Variants in TTN observed in about 807,000 individuals in gnomAD.
TTN encodes connectin.
In TTN, 1,525 loss-of-function variants were observed where a neutral mutation model predicts 3,223.0. The ratio of observed to expected loss-of-function variants is 0.47; its 90% CI spans 0.45 to 0.49. The LOEUF (loss-of-function observed/expected upper bound fraction) is 0.49, where lower values mean the gene tolerates loss of function less well. TTN is among the 20% of genes least tolerant of loss of function. The probability of loss-of-function intolerance (pLI) is 0.00; values close to 1 mark genes in which losing one functional copy is unlikely to be tolerated. For synonymous variants in TTN, 14,094 were observed against 15,161.0 expected (o/e 0.93, Z 5.17); for missense variants, 40,786 against 43,424.0 (o/e 0.94, Z 5.40).
intron 127 of TTN, among the ~76,000 whole-genome samples, chr2:178,686,096 A>T (rs1341389219): frequency 1.3e-5 from 2 of 148,176 alleles, no homozygotes; most frequent in African/African-American, 5.0e-5. Context: ...TTTTGAGCCT[A>T]AGTGTATACA....
rs557086526 is a variant in TTN, at chr2:178,624,661, C to T, written c.44619G>A (p.Glu14873=). ...TAGCATTTTCTCTGGAGACTTCACA[C>T]TCCAGCACTGCAGTGGCTCCCTCTT... is the stretch of plus-strand genomic sequence containing the variant. ...TVEEGATAVL[E]CEVSRENAKV... is the part of the protein sequence containing the mutation. Residue 14873 remains glutamate (E), a synonymous_variant, in exon 242 of 363, where the codon GAG becomes GAA. Coordinates refer to ENST00000589042, the MANE Select transcript of TTN (RefSeq NM_001267550.2). 1.9e-6 allele frequency: 3 copies of T among 1,612,586 alleles called. No individual in the cohort carries two copies. In the South Asian group the frequency reaches 3.3e-5, roughly 18 times the overall value.
rs562978806 is a variant in TTN, at chr2:178,777,475, C to G, written c.4590G>C (p.Val1530=). The G allele has an allele frequency of 1.2e-6, 2 of 1,613,908 alleles. No homozygotes were observed. Among genetic ancestry groups the G allele is most frequent in the African/African-American group, 2.7e-5 (2 of 75,030 alleles). Residue 1530 remains valine, a synonymous_variant, in exon 26 of 363, where the codon GTG becomes GTC. Transcript: ENST00000589042. ...ATCTGCCTGCCCTGTTTTGGGCAAC[C>G]ACAGTCCATTCCCCAGAATCACTGG... The part of the protein sequence containing the change: ...ATPSDSGEWT[V]VAQNRAGRSS...
Position 178,667,671 on chromosome 2 carries a change from G to C in TTN, c.35596C>G (p.Gln11866Glu). 1 of 1,597,320 alleles carries C rather than the reference G, an allele frequency of 6.3e-7. No individual in the cohort carries two copies. Residue 11866 changes from glutamine (Q) to glutamate (E), a missense_variant, in exon 160 of 363, where the codon CAA becomes GAA. Physicochemically the swap from Gln to Glu is conservative, Grantham distance 29 (BLOSUM62 2). Transcript: ENST00000589042. ...AVLEEKVLVT[Q>E]PQKTKPKLAK... The stretch of plus-strand genomic sequence containing the variant: ...AGTTTGGGTTTTGTCTTTTGAGGTT[G>C]AGTCACAAGTACTTTTTCTTCTAGG...
chr2:178,683,072 G>T, intron 134 of TTN, 139 bp downstream of exon 134: 1 of 934,786 alleles, frequency 1.1e-6, no homozygotes, highest in Non-Finnish European at 1.7e-6. Flanking sequence ...AGTATATTTA[G>T]CAATTGTGAT....
At chr2:178,603,808 A>G in intron 282 of TTN, 68 bp downstream of exon 282, 2 of 1,406,216 alleles carry the variant, frequency 1.4e-6, no homozygotes, top group Non-Finnish European at 9.5e-7. Flanking sequence ...AAGAAATTTA[A>G]GGCAGAATTA....
At chr2:178,681,896 C>A (rs573629930) in intron 135 of TTN, among the ~76,000 whole-genome samples, 158 bp from the exon 136 acceptor site, 1 of 152,082 alleles carries the variant, frequency 6.6e-6, no homozygotes, top group East Asian at 1.9e-4. Flanking sequence ...AGAACAAGCT[C>A]ATATTGCCCT....
intron 92 of TTN, among the ~76,000 whole-genome samples, chr2:178,713,602 C>T (rs1186706526): frequency 6.6e-6 from 1 of 152,030 alleles, no homozygotes; most frequent in Non-Finnish European, 1.5e-5. Flanking sequence ...TCTCTCTTTG[C>T]CGTGAAGAAT....
Position 178,552,014 on chromosome 2 carries a change from G to A in TTN, c.90886C>T (p.Gln30296Ter). The A allele has an allele frequency of 6.2e-7, 1 of 1,613,012 alleles. No homozygotes were observed. The highest frequency in any genetic ancestry group is 1.1e-5 in the South Asian group (1 of 90,976). Residue 30296 changes from glutamine to a stop codon, truncating the protein, a stop_gained, in exon 335 of 363, where the codon CAG becomes TAG. Transcript: ENST00000589042. LOFTEE classifies it high-confidence loss of function. ...CTGTTTTCTGCTCTCACTCTAAACT[G>A]GTACTCAGCATCTTTGACTAGATTA... ...VPNLVKDAEY[Q>*]FRVRAENRYG... is the part of the protein sequence containing the mutation.
At chr2:178,650,049 T>C in intron 210 of TTN, 115 bp downstream of exon 210, 1 of 1,309,248 alleles carries the variant, frequency 7.6e-7, no homozygotes, top group Non-Finnish European at 1.1e-6. Flanking sequence ...TTGTTCTTAA[T>C]GTAGTCAGAT....
At position 178,757,217 on chromosome 2, in the gene TTN, A is replaced by C. The variant is rs201815179; in HGVS notation, c.10678+325T>G. ...AAGTAATACTGTACTTACTTTAAGT[A>C]CAGTAAGTAATAATCAGCAAATAGA... On this transcript the variant is annotated intron_variant, in intron 45 of 362. Transcript: ENST00000589042. Among the ~76,000 whole-genome samples, 3 of 141,544 alleles carry C rather than the reference A, an allele frequency of 2.1e-5. 1 individual carries two copies. Among genetic ancestry groups the C allele is most frequent in the Non-Finnish European group, 3.2e-5 (2 of 63,362 alleles). The allele number at this position is 141,544 out of a possible 152,430, so 92.9% of individuals were successfully genotyped here.
chr2:178,786,055 C>T lies in TTN; in HGVS notation c.2163G>A (p.Gly721=). The change falls in exon 14 of 363, where the codon GGG becomes GGA. Residue 721 remains glycine, a synonymous_variant. Coordinates refer to ENST00000589042, the MANE Select transcript of TTN (RefSeq NM_001267550.2). ...QARVREPREP[G]HLEESYAQQT... is the part of the protein sequence containing the mutation. ...GCTGAGCATAGGATTCTTCAAGATGCCCAGGCTCTCTGGGCTCTCTGACTC... is the reference window on the plus strand; with the variant it reads ...GCTGAGCATAGGATTCTTCAAGATGTCCAGGCTCTCTGGGCTCTCTGACTC... The T allele has an allele frequency of 6.2e-7, 1 of 1,614,070 alleles. No individual in the cohort carries two copies. The highest frequency in any genetic ancestry group is 2.2e-5 in the East Asian group (1 of 44,856).
rs2061090482 is a variant in TTN, at chr2:178,640,450, T to C, written c.40723+91A>G. Reference sequence around the variant, plus strand: ...ATATGTGATTAACAGATTAAGGTCATGTGTTCAAATCTTGATGTCAGTGTA... The same window carrying C: ...ATATGTGATTAACAGATTAAGGTCACGTGTTCAAATCTTGATGTCAGTGTA... On this transcript the variant is annotated intron_variant, in intron 221 of 362. Coordinates refer to ENST00000589042, the MANE Select transcript of TTN (RefSeq NM_001267550.2). The C allele has an allele frequency of 5.1e-6, 6 of 1,167,098 alleles. No individual in the cohort carries two copies. In the Admixed American group the frequency reaches 1.2e-4, roughly 23 times the overall value. 72.3% of individuals were successfully genotyped at this position (1,167,098 alleles called of 1,614,324 possible). A position where few individuals can be genotyped will look rare whatever the true frequency, so the allele number is the denominator to read the frequency against.
rs1209898521 is a variant in TTN, at chr2:178,635,593, C to T, written c.41731G>A (p.Asp13911Asn). ...TPNIKWFKGYDEIPAEPNDKT... is the reference protein window; with the variant it reads ...TPNIKWFKGYNEIPAEPNDKT... The stretch of plus-strand genomic sequence containing the variant: ...TCATTTGGTTCCGCAGGGATTTCAT[C>T]ATATCCTTTGAACCACTTAATGTTT... Residue 13911 changes from aspartate (D) to asparagine (N), a missense_variant, in exon 227 of 363, where the codon GAT (aspartate) becomes AAT (asparagine). Physicochemically the swap from Asp to Asn is conservative, Grantham distance 23. Coordinates refer to ENST00000589042, the MANE Select transcript of TTN (RefSeq NM_001267550.2). 6.3e-7 allele frequency: 1 copy of T among 1,593,708 alleles called. No homozygotes were observed. The highest frequency in any genetic ancestry group is 1.1e-5 in the South Asian group (1 of 88,496).
In TTN at chr2:178,530,506, G is replaced by T. The variant is rs536166568; in HGVS notation, c.106109C>A (p.Thr35370Asn). The T allele has an allele frequency of 6.2e-7, 1 of 1,613,964 alleles. No homozygotes were observed. Among genetic ancestry groups the T allele is most frequent in the East Asian group, 2.2e-5 (1 of 44,886 alleles). Reference sequence around the variant, plus strand: ...GGCTTGCCCCATAAATTGTAAGTTGGTTTTAGACGTTCCACCTTCACCAGA... The same window carrying T: ...GGCTTGCCCCATAAATTGTAAGTTGTTTTTAGACGTTCCACCTTCACCAGA... ...EISGEGGTSK[T>N]NLQFMGQAFK... The change falls in exon 358 of 363, where the codon ACC becomes AAC. Residue 35370 changes from threonine (T) to asparagine (N), a missense_variant. Coordinates refer to ENST00000589042, the MANE Select transcript of TTN (RefSeq NM_001267550.2).
intron 260 of TTN, 22 bp from the exon 261 acceptor site, chr2:178,614,775 A>C: frequency 1.2e-6 from 2 of 1,603,164 alleles, no homozygotes; most frequent in Non-Finnish European, 1.7e-6. Flanking sequence ...AAGATTATTT[A>C]TGATGTTATC....
chr2:178,786,053 T>C lies in TTN; in HGVS notation c.2165A>G (p.His722Arg). Residue 722 changes from histidine to arginine, a missense_variant, in exon 14 of 363, where the codon CAT becomes CGT. Physicochemically the swap from His to Arg is conservative, Grantham distance 29. Coordinates refer to ENST00000589042, the MANE Select transcript of TTN (RefSeq NM_001267550.2). ...CTGCTGAGCATAGGATTCTTCAAGATGCCCAGGCTCTCTGGGCTCTCTGAC... is the reference window on the plus strand; with the variant it reads ...CTGCTGAGCATAGGATTCTTCAAGACGCCCAGGCTCTCTGGGCTCTCTGAC... ...ARVREPREPG[H>R]LEESYAQQTT... The C allele has an allele frequency of 1.9e-6, 3 of 1,614,134 alleles. No individual in the cohort carries two copies. Among genetic ancestry groups the C allele is most frequent in the Non-Finnish European group, 2.5e-6 (3 of 1,180,008 alleles).
At position 178,611,033 on chromosome 2, in the gene TTN, C is replaced by T; in HGVS notation, c.51096G>A (p.Lys17032=). 1 of 1,612,656 alleles carries T rather than the reference C, an allele frequency of 6.2e-7. No individual in the cohort carries two copies. Among genetic ancestry groups the T allele is most frequent in the Non-Finnish European group, 8.5e-7 (1 of 1,179,116 alleles). Residue 17032 remains lysine, a synonymous_variant, in exon 270 of 363, where the codon AAG becomes AAA. Transcript: ENST00000589042. ...AGIYTITLEN[K]LGSATASINV... is the part of the protein sequence containing the mutation. ...TGATTGAGGCTGTTGCTGAGCCGAG[C>T]TTATTCTCCAGTGTAATGGTATAAA...
At chr2:178,556,687 T>G (rs1701653552) in intron 330 of TTN, 161 bp downstream of exon 330, 1 of 776,120 alleles carries the variant, frequency 1.3e-6, no homozygotes, top group Non-Finnish European at 2.0e-6. Flanking sequence ...GGAAAGGTAT[T>G]TAAGGAATTT....
At position 178,793,419 on chromosome 2, in the gene TTN, G is replaced by A. The variant is rs372875660; in HGVS notation, c.1521C>T (p.His507=). The A allele has an allele frequency of 5.0e-5, 81 of 1,613,970 alleles. 1 individual carries two copies. Among genetic ancestry groups the A allele is most frequent in the African/African-American group, 3.6e-4 (27 of 74,886 alleles). The change falls in exon 9 of 363, where the codon CAC becomes CAT. Residue 507 remains histidine (H), a synonymous_variant. Transcript: ENST00000589042. ...EVITTKQEQM[H]VTHEQIRKET... ...CCATTTTCACCTGCTCATGAGTTAC[G>A]TGCATCTGCTCTTGCTTTGTGGTAA...
Sources: allele counts gnomAD v4.1 joint callset (sites outside exome capture counted in the v4.1 genomes callset), GRCh38; gene constraint gnomAD v4.1.1; transcripts MANE v1.5; gene names NCBI Gene and HGNC (gene_info 2026-07-23, HGNC 2026-07-21).